The following PHLPP1 variants were observed in gnomAD, a reference collection of about 807,000 sequenced individuals.
PHLPP1 encodes the protein PH domain leucine-rich repeat-containing protein phosphatase 1.
A neutral mutation model predicts 117.2 loss-of-function variants in PHLPP1; 42 were observed. The observed-to-expected ratio is 0.36, with a 90% CI of 0.28 to 0.46. The LOEUF (loss-of-function observed/expected upper bound fraction) is 0.46. Among genes scored for constraint, PHLPP1 ranks in the 20% least tolerant of loss-of-function variants. The pLI, the probability that PHLPP1 is intolerant of heterozygous loss-of-function variation, is 1.00. For missense variants in PHLPP1, 2,084 were observed against 2,241.9 expected (o/e 0.93, Z 1.42); for synonymous variants, 1,042 against 970.7 (o/e 1.07, Z -1.37).
chr18:62,966,560 TC>T (rs1455962445), intron 14 of PHLPP1, among the ~76,000 whole-genome samples: 1 of 142,644 alleles, frequency 7.0e-6, no homozygotes, highest in East Asian at 2.2e-4. Context: ...AAGCTCCACC[TC>T]CCGGGTTCAC....
chr18:62,821,410 A>G (rs1052538656), intron 1 of PHLPP1, among the ~76,000 whole-genome samples: 2 of 152,090 alleles, frequency 1.3e-5, no homozygotes, highest in Non-Finnish European at 2.9e-5. Flanking sequence ...TCAGCTGGGC[A>G]TAATGGCATA....
At chr18:62,820,185 A>G (rs1914406304) in intron 1 of PHLPP1, among the ~76,000 whole-genome samples, 1 of 152,232 alleles carries the variant, frequency 6.6e-6, no homozygotes, top group African/African-American at 2.4e-5. Flanking sequence ...ATAGAACTTC[A>G]GTATAAATAA....
At chr18:62,936,481 A>G (rs1327075867) in intron 10 of PHLPP1, among the ~76,000 whole-genome samples, 1 of 152,258 alleles carries the variant, frequency 6.6e-6, no homozygotes, top group Non-Finnish European at 1.5e-5. Flanking sequence ...AGAGTTTCAT[A>G]GTCTCAAATG....
intron 7 of PHLPP1, 70 bp downstream of exon 7, chr18:62,903,236 C>A: frequency 9.6e-7 from 1 of 1,043,114 alleles, no homozygotes; most frequent in Non-Finnish European, 1.5e-6. Flanking sequence ...ATTATTTCTG[C>A]TTCTGATTAT....
In PHLPP1 at chr18:62,900,720, G is replaced by C. The variant is rs73468182; in HGVS notation, c.2445-2244G>C. On this transcript the variant is annotated intron_variant, in intron 6 of 16. Transcript: ENST00000262719. ...TCTACTTCAGCCTCCCAAAGTGGTA[G>C]GATTACAGAGTTTGAGCTACCACAC... Among the ~76,000 whole-genome samples, 384 of 152,012 alleles carry C rather than the reference G, an allele frequency of 2.5e-3. 4 individuals carry two copies. Among genetic ancestry groups the C allele is most frequent in the African/African-American group, 8.9e-3 (369 of 41,460 alleles).
At chr18:62,881,989 G>A (rs773803938) in intron 4 of PHLPP1, among the ~76,000 whole-genome samples, 6 of 152,160 alleles carry the variant, frequency 3.9e-5, no homozygotes, top group Non-Finnish European at 8.8e-5. Flanking sequence ...AGATGAGTCC[G>A]AAAGGAACAT....
intron 4 of PHLPP1, among the ~76,000 whole-genome samples, chr18:62,889,385 A>G (rs1246279593): frequency 6.6e-6 from 1 of 152,226 alleles, no homozygotes; most frequent in African/African-American, 2.4e-5. Context: ...TTAAGTTATA[A>G]CCAAGCTAAG....
chr18:62,871,918 T>TA (rs1196706458), intron 4 of PHLPP1, among the ~76,000 whole-genome samples: 5 of 152,196 alleles, frequency 3.3e-5, no homozygotes, highest in Non-Finnish European at 7.3e-5. Flanking sequence ...GGGCTGGGGT[T>TA]ATAGGCATGA....
chr18:62,878,782 G>C (rs547235451), intron 4 of PHLPP1, among the ~76,000 whole-genome samples: 9 of 152,080 alleles, frequency 5.9e-5, no homozygotes, highest in African/African-American at 2.2e-4. Flanking sequence ...CTCATATTGT[G>C]TGTGTGTGTG....
intron 1 of PHLPP1, among the ~76,000 whole-genome samples, chr18:62,778,331 G>T (rs1913022430): frequency 6.6e-6 from 1 of 152,118 alleles, no homozygotes; most frequent in Non-Finnish European, 1.5e-5. Flanking sequence ...TAAATTTTGG[G>T]TGCTATGTTG....
Position 62,766,076 on chromosome 18 carries a change from A to AAT in PHLPP1, c.1576+48843_1576+48844dup, listed in dbSNP as rs60058262. On this transcript the variant is annotated intron_variant, in intron 1 of 16. Coordinates refer to ENST00000262719, the MANE Select transcript of PHLPP1 (RefSeq NM_194449.4). ...ACTCCATCTCAAAAAAAAAAAAAAA[A>AAT]ATATATATATATATATATATATATA... Among the ~76,000 whole-genome samples the AAT allele has an allele frequency of 8.1e-3, 176 of 21,654 alleles. 35 individuals are homozygous for AAT. In the South Asian group the frequency reaches 0.15, roughly 18 times the overall value. The allele number at this position is 21,654 out of a possible 152,430, so 14.2% of individuals were successfully genotyped here.
At chr18:62,864,480 G>A (rs1046285252) in intron 4 of PHLPP1, among the ~76,000 whole-genome samples, 2 of 152,354 alleles carry the variant, frequency 1.3e-5, no homozygotes, top group East Asian at 3.9e-4. Context: ...GTCACAAAGC[G>A]TAGGTCTGGC....
At chr18:62,730,260 C>G (rs148516518) in intron 1 of PHLPP1, among the ~76,000 whole-genome samples, 2 of 152,210 alleles carry the variant, frequency 1.3e-5, no homozygotes, top group African/African-American at 4.8e-5. Flanking sequence ...GGCTTTTCTG[C>G]ATTCTTTCTT....
chr18:62,967,702 T>A (rs1910943335), intron 14 of PHLPP1, among the ~76,000 whole-genome samples: 1 of 152,166 alleles, frequency 6.6e-6, no homozygotes, highest in South Asian at 2.1e-4. Flanking sequence ...TCAATTGAGA[T>A]GACTGTATGG....
At position 62,716,058 on chromosome 18, in the gene PHLPP1, G is replaced by A; in HGVS notation, c.375G>A (p.Arg125=). 6.8e-7 allele frequency: 1 copy of A among 1,478,870 alleles called. No individual in the cohort carries two copies. 91.6% of individuals were successfully genotyped at this position (1,478,870 alleles called of 1,614,324 possible). A position where few individuals can be genotyped will look rare whatever the true frequency, so the allele number is the denominator to read the frequency against. ...ACTCCCTCCTGCTGAGGAGAGGGCG[G>A]CTGAAGAGGAATCTGTCCGCGGCCG... ...GANSLLLRRG[R]LKRNLSAAAA... is the part of the protein sequence containing the mutation. The change falls in exon 1 of 17, where the codon CGG becomes CGA. Residue 125 remains arginine (R), a synonymous_variant. Coordinates refer to ENST00000262719, the MANE Select transcript of PHLPP1 (RefSeq NM_194449.4). The surrounding 1 kb of genome is among the most constrained non-coding windows in gnomAD (Gnocchi z 5.7).
intron 16 of PHLPP1, 139 bp downstream of exon 16, chr18:62,975,764 G>A: frequency 1.6e-6 from 1 of 632,326 alleles, no homozygotes; most frequent in Non-Finnish European, 2.8e-6. Flanking sequence ...CAAATCCATA[G>A]TATCACAAAG....
chr18:62,919,429 A>G (rs1435599416), intron 9 of PHLPP1, among the ~76,000 whole-genome samples: 1 of 152,222 alleles, frequency 6.6e-6, no homozygotes, highest in Non-Finnish European at 1.5e-5. Context: ...ACATACAGCC[A>G]GGGAAGTGAG....
intron 10 of PHLPP1, among the ~76,000 whole-genome samples, chr18:62,931,469 AAGAGAAGAAATAACTAAAATC>A (rs1909804216): frequency 6.6e-6 from 1 of 152,080 alleles, no homozygotes; most frequent in South Asian, 2.1e-4. Context: ...GAGCTAGCAG[AAGAGAAGAAATAACTAAAATC>A]AGAGGAGAAC....
At chr18:62,891,012 C>T (rs185111894) in intron 4 of PHLPP1, among the ~76,000 whole-genome samples, 3 of 152,166 alleles carry the variant, frequency 2.0e-5, no homozygotes, top group Admixed American at 1.3e-4. Flanking sequence ...ATAGAGTTGC[C>T]AGATTTAGGT....
Sources: gnomAD v4.1 joint callset for allele counts (sites outside exome capture counted in the v4.1 genomes callset) on GRCh38, gnomAD v4.1.1 for gene constraint, Gnocchi (gnomAD v3.1) non-coding constraint, MANE v1.5 for transcripts, NCBI Gene and HGNC (gene_info 2026-07-23, HGNC 2026-07-21) for gene names.